APBA1: variants seen among roughly 807,000 people sequenced by gnomAD.
APBA1 encodes the protein amyloid beta precursor protein binding family A member 1, also known as amyloid-beta A4 precursor protein-binding family A member 1.
APBA1 carries 55 observed loss-of-function variants against 86.6 expected under a neutral mutation model. The ratio of observed to expected loss-of-function variants is 0.64; its 90% CI spans 0.51 to 0.80. The LOEUF is 0.80. Ranked by LOEUF, APBA1 falls within the 30% of genes least tolerant of loss-of-function variation. The pLI is 0.00. For missense variants in APBA1, 1,090 were observed against 1,183.0 expected, an observed-to-expected ratio of 0.92 and a Z score of 1.15; for synonymous variants, 511 against 493.9, an observed-to-expected ratio of 1.03 and a Z score of -0.46.
At chr9:69,462,189 ACT>A (rs2133821817) in intron 5 of APBA1, 1 of 152,048 alleles carries the variant, frequency 6.6e-6, no homozygotes, top group South Asian at 2.1e-4. Context: ...CAAACACCAC[ACT>A]CTGGGTGGAT....
Position 69,534,865 on chromosome 9 carries a change from A to G in APBA1, c.-69-17586T>C, listed in dbSNP as rs1836485115. On this transcript the variant is annotated intron_variant, in intron 1 of 12. Coordinates refer to ENST00000265381, the MANE Select transcript of APBA1 (RefSeq NM_001163.4). ...ACTTCCTACTGTGAAAGATGAGGAT[A>G]TAGCTCACTTAATTTCTCCTTTTCT... Among the ~76,000 whole-genome samples the G allele has an allele frequency of 2.0e-5, 3 of 152,308 alleles. No individual in the cohort carries two copies. In the South Asian group the frequency reaches 6.2e-4, roughly 32 times the overall value.
At chr9:69,548,268 C>A (rs1588355831) in intron 1 of APBA1, among the ~76,000 whole-genome samples, 3 of 152,274 alleles carry the variant, frequency 2.0e-5, no homozygotes, top group South Asian at 4.2e-4. Context: ...ACCTCAGGGA[C>A]CTACATTTTG....
chr9:69,531,799 T>C (rs528062597), intron 1 of APBA1, among the ~76,000 whole-genome samples: 21 of 152,260 alleles, frequency 1.4e-4, no homozygotes, highest in African/African-American at 4.8e-4. Context: ...CCCTAGGAAC[T>C]GGGGAATGGA....
At chr9:69,460,038 C>T (rs1433924551) in intron 5 of APBA1, among the ~76,000 whole-genome samples, 5 of 152,214 alleles carry the variant, frequency 3.3e-5, no homozygotes, top group Non-Finnish European at 5.9e-5. Context: ...ACTGCTCTCT[C>T]ATATTCCTGG....
intron 1 of APBA1, among the ~76,000 whole-genome samples, chr9:69,607,333 T>C (rs1822496045): frequency 6.6e-6 from 1 of 152,168 alleles, no homozygotes; most frequent in East Asian, 1.9e-4. Flanking sequence ...CCGTCAGATC[T>C]TGTGAGACTT....
At chr9:69,460,434 C>T (rs1433109900) in intron 5 of APBA1, among the ~76,000 whole-genome samples, 5 of 152,256 alleles carry the variant, frequency 3.3e-5, no homozygotes, top group Middle Eastern at 3.4e-3. Flanking sequence ...CAGGGATGTT[C>T]GGACTGGCAT....
chr9:69,513,249 G>C (rs12338371), intron 2 of APBA1, among the ~76,000 whole-genome samples: 36,460 of 152,174 alleles, frequency 0.24, 5,171 homozygotes, highest in African/African-American at 0.4. Context: ...GCATGCAAGA[G>C]AATTAAGTTG....
chr9:69,575,015 C>G (rs1282545172), intron 1 of APBA1, among the ~76,000 whole-genome samples: 2 of 152,140 alleles, frequency 1.3e-5, no homozygotes, highest in Non-Finnish European at 2.9e-5. Context: ...CTCCTGGGCT[C>G]AAGTGATCCT....
chr9:69,465,155 T>G (rs1835255905), intron 5 of APBA1: 1 of 152,386 alleles, frequency 6.6e-6, no homozygotes, highest in African/African-American at 2.4e-5. Flanking sequence ...TTATAGGGTC[T>G]TGAGCACACC....
intron 1 of APBA1, among the ~76,000 whole-genome samples, chr9:69,658,253 T>C (rs1355905377): frequency 4.3e-5 from 1 of 23,238 alleles, no homozygotes; most frequent in African/African-American, 6.3e-5. Flanking sequence ...TCTTTCTTTC[T>C]TTCTTTCTTT....
chr9:69,630,343 C>G (rs1823017474), intron 1 of APBA1, among the ~76,000 whole-genome samples: 2 of 152,244 alleles, frequency 1.3e-5, no homozygotes, highest in Admixed American at 6.5e-5. Flanking sequence ...AACTTTGATC[C>G]CTAATTGCTC....
Position 69,591,149 on chromosome 9 carries a change from T to C in APBA1, c.-69-73870A>G, listed in dbSNP as rs954616334. ...GCCTATGAGGCCCCATTTTTCCAAATGCTTTCAAGGCAGAACTTCCGATGT... is the reference window on the plus strand; with the variant it reads ...GCCTATGAGGCCCCATTTTTCCAAACGCTTTCAAGGCAGAACTTCCGATGT... On this transcript the variant is annotated intron_variant, in intron 1 of 12. Transcript: ENST00000265381. Among the ~76,000 whole-genome samples, 11 of 152,150 alleles carry C rather than the reference T, an allele frequency of 7.2e-5. 1 individual carries two copies. Among genetic ancestry groups the C allele is most frequent in the African/African-American group, 1.4e-4 (6 of 41,444 alleles).
intron 1 of APBA1, among the ~76,000 whole-genome samples, chr9:69,599,479 G>A (rs566444558): frequency 4.3e-4 from 65 of 152,166 alleles, no homozygotes; most frequent in African/African-American, 1.5e-3. Context: ...CAAATTGTTC[G>A]GTAAAACACT....
Position 69,430,914 on chromosome 9 carries a change from G to A in APBA1, c.*413C>T, listed in dbSNP as rs900145708. The A allele has an allele frequency of 6.1e-6, 1 of 163,450 alleles. No homozygotes were observed. Among genetic ancestry groups the A allele is most frequent in the East Asian group, 1.7e-4 (1 of 5,934 alleles). 10.1% of individuals were successfully genotyped at this position (163,450 alleles called of 1,614,324 possible). On this transcript the variant is annotated 3_prime_UTR_variant, in exon 13 of 13. Transcript: ENST00000265381. The stretch of plus-strand genomic sequence containing the variant: ...CCCACAGATAAACTCAGAGAGCAGG[G>A]ATCAGCAACTGGGTTTTAGGCACTG...
intron 11 of APBA1, among the ~76,000 whole-genome samples, chr9:69,435,816 A>T (rs1382338248): frequency 6.6e-6 from 1 of 152,068 alleles, no homozygotes; most frequent in African/African-American, 2.4e-5. Flanking sequence ...TTTGTCAATT[A>T]TGGCTTTTGT....
intron 1 of APBA1, among the ~76,000 whole-genome samples, chr9:69,591,051 G>A (rs1332000672): frequency 6.6e-6 from 1 of 152,194 alleles, no homozygotes; most frequent in Non-Finnish European, 1.5e-5. Flanking sequence ...AACTGTGGGA[G>A]GAGGTGAAAA....
At chr9:69,624,156 TCAAA>T (rs1171600287) in intron 1 of APBA1, among the ~76,000 whole-genome samples, 6 of 152,084 alleles carry the variant, frequency 3.9e-5, no homozygotes, top group Non-Finnish European at 8.8e-5. Context: ...TCAGTGAAAA[TCAAA>T]CAGTCTCTAA....
At chr9:69,432,496 G>A (rs916971361) in intron 12 of APBA1, 40 bp downstream of exon 12, 37 of 1,450,952 alleles carry the variant, frequency 2.6e-5, no homozygotes, top group Non-Finnish European at 3.2e-5. Flanking sequence ...GGCACCAGAC[G>A]CGGCCCTCAG....
At chr9:69,671,216 T>C (rs1021303502) in intron 1 of APBA1, among the ~76,000 whole-genome samples, 3 of 152,164 alleles carry the variant, frequency 2.0e-5, no homozygotes, top group Admixed American at 6.5e-5. Context: ...CTTCTCCTTC[T>C]GGTCAGACAA....
Sources: allele counts gnomAD v4.1 joint callset (sites outside exome capture counted in the v4.1 genomes callset), GRCh38; gene constraint gnomAD v4.1.1; transcripts MANE v1.5; gene names NCBI Gene and HGNC (gene_info 2026-07-23, HGNC 2026-07-21).